STK3: variants seen among roughly 807,000 people sequenced by gnomAD.
STK3 encodes the protein serine/threonine-protein kinase 3.
In STK3, 41 loss-of-function variants were observed where a neutral mutation model predicts 58.0. That is an observed-to-expected ratio of 0.71 (90% CI 0.55 to 0.92). The LOEUF (loss-of-function observed/expected upper bound fraction) is 0.92, where lower values mean the gene tolerates loss of function less well. Ranked by LOEUF, STK3 falls within the 40% of genes least tolerant of loss-of-function variation. STK3 has a pLI of 0.00. For synonymous variants in STK3, 170 were observed against 191.0 expected (o/e 0.89, Z 0.91); for missense variants, 479 against 602.7 (o/e 0.79, Z 2.15).
chr8:98,558,350 T>A (rs1811757352), intron 8 of STK3, among the ~76,000 whole-genome samples: 1 of 152,124 alleles, frequency 6.6e-6, no homozygotes, highest in Non-Finnish European at 1.5e-5. Flanking sequence ...GGTTTCTTGA[T>A]ACATTTTTAA....
chr8:98,539,580 C>G (rs1019684862), intron 9 of STK3, among the ~76,000 whole-genome samples: 1 of 152,174 alleles, frequency 6.6e-6, no homozygotes, highest in African/African-American at 2.4e-5. Context: ...CCAAAATAAA[C>G]TCTGAAATTT....
At chr8:98,903,555 TCC>T (rs1491359316) in intron 1 of STK3, among the ~76,000 whole-genome samples, 671 of 33,074 alleles carry the variant, frequency 0.02, 25 homozygotes, top group East Asian at 0.022. Flanking sequence ...TTCTTCTTCT[TCC>T]TTTTTTTTTT....
In STK3 at chr8:98,541,530, A is replaced by T. The variant is rs1485643138; in HGVS notation, c.1141+6439T>A. ...TTTTCTTTATATATTACCCAGTCTC[A>T]CATAGTTCTTTATAGCAATATGAGA... is the stretch of plus-strand genomic sequence containing the variant. On this transcript the variant is annotated intron_variant, in intron 9 of 10. Coordinates refer to ENST00000419617, the MANE Select transcript of STK3 (RefSeq NM_006281.4). 2.0e-5 allele frequency among the ~76,000 whole-genome samples: 3 copies of T among 152,140 alleles called. No homozygotes were observed. In the East Asian group the frequency reaches 5.8e-4, roughly 29 times the overall value.
intron 1 of STK3, among the ~76,000 whole-genome samples, chr8:98,799,993 C>A (rs1351203717): frequency 6.6e-6 from 1 of 152,274 alleles, no homozygotes; most frequent in African/African-American, 2.4e-5. Flanking sequence ...AGGGATAGTA[C>A]AAGATGCCAC....
chr8:98,751,469 G>A (rs932090794), intron 3 of STK3, among the ~76,000 whole-genome samples: 1 of 152,104 alleles, frequency 6.6e-6, no homozygotes, highest in Non-Finnish European at 1.5e-5. Flanking sequence ...CAACAGTCAA[G>A]CCGAGAGCCA....
At chr8:98,519,601 G>A (rs1825204182) in intron 10 of STK3, among the ~76,000 whole-genome samples, 1 of 152,094 alleles carries the variant, frequency 6.6e-6, no homozygotes. Context: ...AGTGACTTTT[G>A]TTTTGTTTCC....
chr8:98,651,455 C>A (rs577419075), intron 6 of STK3: 4 of 152,432 alleles, frequency 2.6e-5, no homozygotes, highest in Admixed American at 6.5e-5. Flanking sequence ...CAAAGGAATG[C>A]AGCTCCTCAC....
intron 6 of STK3, among the ~76,000 whole-genome samples, chr8:98,630,426 G>A (rs960632616): frequency 1.3e-5 from 2 of 152,108 alleles, no homozygotes; most frequent in African/African-American, 4.8e-5. Context: ...AGGACTGCTT[G>A]AGCCCACGTG....
intron 3 of STK3, among the ~76,000 whole-genome samples, chr8:98,848,370 C>T (rs990317233): frequency 6.6e-6 from 1 of 152,102 alleles, no homozygotes; most frequent in Non-Finnish European, 1.5e-5. Flanking sequence ...CCACCTGAGC[C>T]TCTCAAGTTG....
chr8:98,604,946 G>A (rs367909135), intron 6 of STK3, among the ~76,000 whole-genome samples: 252 of 152,238 alleles, frequency 1.7e-3, no homozygotes, highest in African/African-American at 5.8e-3. Flanking sequence ...CAGATCCCCA[G>A]GGCAGGGGTA....
chr8:98,876,602 C>T (rs544034825), intron 3 of STK3, among the ~76,000 whole-genome samples: 6 of 152,112 alleles, frequency 3.9e-5, no homozygotes, highest in Non-Finnish European at 8.8e-5. Flanking sequence ...CACTACACTG[C>T]GGCTCCACAA....
At chr8:98,877,650 A>ATT in intron 3 of STK3, among the ~76,000 whole-genome samples, 1 of 151,924 alleles carries the variant, frequency 6.6e-6, no homozygotes, top group East Asian at 1.9e-4. Context: ...CACCCGGCTA[A>ATT]TTTTGTATTT....
chr8:98,579,194 C>T (rs1813657339), intron 8 of STK3, among the ~76,000 whole-genome samples: 1 of 151,932 alleles, frequency 6.6e-6, no homozygotes, highest in African/African-American at 2.4e-5. Context: ...TAAATAAATA[C>T]AATTATTTTA....
intron 6 of STK3, chr8:98,633,764 G>A (rs555897462): frequency 1.8e-5 from 10 of 570,046 alleles, no homozygotes; most frequent in South Asian, 1.7e-4. Context: ...AGCCAGAGAA[G>A]AAGCTTTTTA....
At chr8:98,830,280 G>C (rs1456420721), upstream of STK3, among the ~76,000 whole-genome samples, 1 of 152,050 alleles carries the variant, frequency 6.6e-6, no homozygotes, top group African/African-American at 2.4e-5. Flanking sequence ...ATGAAATTCA[G>C]GTAGGATGGC....
chr8:98,381,553 G>A (rs113564773), intron 1 of STK3, among the ~76,000 whole-genome samples: 5,958 of 152,250 alleles, frequency 0.039, 392 homozygotes, highest in African/African-American at 0.13. Context: ...TGTGAGGTTC[G>A]GGAGAAAAAG....
intron 9 of STK3, among the ~76,000 whole-genome samples, chr8:98,542,508 A>AG (rs1491529273): frequency 6.6e-6 from 1 of 152,212 alleles, no homozygotes. Context: ...ACTAAAAAAA[A>AG]GAGAGATGGA....
chr8:98,442,421 C>A (rs1818731963), intron 1 of STK3, among the ~76,000 whole-genome samples: 1 of 152,252 alleles, frequency 6.6e-6, no homozygotes, highest in Admixed American at 6.5e-5. Flanking sequence ...TGAATGTTTG[C>A]TGAAGAAATG....
intron 6 of STK3, among the ~76,000 whole-genome samples, chr8:98,614,390 G>C (rs1817477797): frequency 6.9e-6 from 1 of 144,364 alleles, no homozygotes; most frequent in African/African-American, 2.9e-5. Flanking sequence ...TCAAGCACTT[G>C]AAAACTAAAG....
Sources: allele counts gnomAD v4.1 joint callset (sites outside exome capture counted in the v4.1 genomes callset), GRCh38; gene constraint gnomAD v4.1.1; transcripts MANE v1.5; gene names NCBI Gene and HGNC (gene_info 2026-07-23, HGNC 2026-07-21).